Variants in CDH23 observed in about 807,000 individuals in gnomAD.
CDH23 encodes cadherin-23.
A neutral mutation model predicts 317.1 loss-of-function variants in CDH23; 189 were observed. The observed-to-expected ratio is 0.60, with a 90% CI of 0.53 to 0.67. The LOEUF (loss-of-function observed/expected upper bound fraction) is 0.67. Ranked by LOEUF, CDH23 falls within the 30% of genes least tolerant of loss-of-function variation. CDH23 has a pLI of 0.00. For synonymous variants in CDH23, 1,839 were observed against 1,876.8 expected (o/e 0.98, Z 0.52); for missense variants, 4,401 against 4,592.4 (o/e 0.96, Z 1.20).
chr10:71,662,302 C>T (rs1412197085), intron 14 of CDH23, among the ~76,000 whole-genome samples: 2 of 152,088 alleles, frequency 1.3e-5, no homozygotes, highest in South Asian at 4.1e-4. Flanking sequence ...CAGTGACAGG[C>T]GTGGGGGGTG....
intron 3 of CDH23, among the ~76,000 whole-genome samples, chr10:71,490,413 G>A (rs945176229): frequency 6.6e-6 from 1 of 152,164 alleles, no homozygotes; most frequent in Non-Finnish European, 1.5e-5. Context: ...CCAGGGTTGT[G>A]TCTGGCACAC....
intron 14 of CDH23, among the ~76,000 whole-genome samples, chr10:71,657,538 AGAT>A (rs1356040631): frequency 3.3e-5 from 5 of 152,214 alleles, no homozygotes; most frequent in African/African-American, 9.7e-5. Flanking sequence ...TAAGCCTGGG[AGAT>A]GATAACAGGG....
chr10:71,484,334 C>T (rs929059688), intron 3 of CDH23, among the ~76,000 whole-genome samples: 1 of 152,258 alleles, frequency 6.6e-6, no homozygotes, highest in Admixed American at 6.5e-5. Context: ...GTACCGTCCT[C>T]TCTCTTCCTC....
intron 3 of CDH23, among the ~76,000 whole-genome samples, chr10:71,496,048 C>G (rs1227271956): frequency 6.6e-6 from 1 of 152,178 alleles, no homozygotes; most frequent in Middle Eastern, 3.2e-3. Context: ...GATGCACACT[C>G]AAGTTTGAGA....
At chr10:71,780,706 T>C (rs941108076) in intron 41 of CDH23, among the ~76,000 whole-genome samples, 1 of 152,036 alleles carries the variant, frequency 6.6e-6, no homozygotes, top group African/African-American at 2.4e-5. Context: ...GGAGAGACAT[T>C]ATTTGACTTA....
chr10:71,522,393 C>A (rs990020996), intron 6 of CDH23, among the ~76,000 whole-genome samples: 1 of 152,096 alleles, frequency 6.6e-6, no homozygotes, highest in African/African-American at 2.4e-5. Context: ...TTATTATATC[C>A]ATTCCAGTGG....
intron 9 of CDH23, among the ~76,000 whole-genome samples, chr10:71,613,550 A>C (rs1861025352): frequency 6.6e-6 from 1 of 152,240 alleles, no homozygotes; most frequent in African/African-American, 2.4e-5. Flanking sequence ...AGTGGCCACT[A>C]GCCACTAACT....
intron 3 of CDH23, among the ~76,000 whole-genome samples, chr10:71,468,113 T>C (rs1476188704): frequency 6.6e-6 from 1 of 152,206 alleles, no homozygotes; most frequent in Non-Finnish European, 1.5e-5. Flanking sequence ...ACCTGTGACC[T>C]GGCCCCCTGT....
chr10:71,546,520 G>T (rs1856291552), intron 6 of CDH23, among the ~76,000 whole-genome samples: 2 of 152,216 alleles, frequency 1.3e-5, no homozygotes, highest in Admixed American at 6.5e-5. Context: ...CAGGTTCAGG[G>T]AATTAGGGAG....
At chr10:71,556,214 G>A (rs1482223076) in intron 6 of CDH23, among the ~76,000 whole-genome samples, 1 of 152,160 alleles carries the variant, frequency 6.6e-6, no homozygotes, top group Non-Finnish European at 1.5e-5. Flanking sequence ...ACTTTGCCTT[G>A]GAGCAGATGA....
intron 48 of CDH23, among the ~76,000 whole-genome samples, chr10:71,794,271 G>A (rs895696109): frequency 2.0e-5 from 3 of 152,162 alleles, no homozygotes; most frequent in Non-Finnish European, 4.4e-5. Context: ...CCAAGTGCTG[G>A]GATTACAGGC....
chr10:71,511,313 T>A, intron 6 of CDH23, 101 bp downstream of exon 6: 2 of 1,113,192 alleles, frequency 1.8e-6, no homozygotes, highest in South Asian at 2.5e-5. Context: ...CAGCTGTGGC[T>A]CTTCTGCCCA....
chr10:71,645,724 C>A, intron 12 of CDH23, 107 bp from the exon 13 acceptor site: 6 of 1,336,784 alleles, frequency 4.5e-6, no homozygotes, highest in South Asian at 2.4e-5. Context: ...TTGCCCCAAC[C>A]AAAGCAGCTC....
At chr10:71,550,438 G>A (rs1856513960) in intron 6 of CDH23, among the ~76,000 whole-genome samples, 1 of 151,712 alleles carries the variant, frequency 6.6e-6, no homozygotes, top group Non-Finnish European at 1.5e-5. Flanking sequence ...TGCACCTGCA[G>A]TCCCAGCTAC....
At chr10:71,425,073 AG>A (rs1848993958) in intron 1 of CDH23, among the ~76,000 whole-genome samples, 1 of 151,972 alleles carries the variant, frequency 6.6e-6, no homozygotes, top group Non-Finnish European at 1.5e-5. Context: ...GCTTGGGGTG[AG>A]AACTCCTATT....
chr10:71,538,047 T>C (rs966327734), intron 6 of CDH23, among the ~76,000 whole-genome samples: 1 of 152,108 alleles, frequency 6.6e-6, no homozygotes, highest in Non-Finnish European at 1.5e-5. Context: ...GAGTCCATTT[T>C]ACAGATGGGA....
intron 25 of CDH23, among the ~76,000 whole-genome samples, chr10:71,705,621 C>A (rs547362653): frequency 6.6e-6 from 1 of 152,220 alleles, no homozygotes; most frequent in African/African-American, 2.4e-5. Context: ...TCCCAGACTC[C>A]CTAAGATCCT....
At chr10:71,541,822 A>G (rs1199280359) in intron 6 of CDH23, among the ~76,000 whole-genome samples, 2 of 152,274 alleles carry the variant, frequency 1.3e-5, no homozygotes, top group Non-Finnish European at 2.9e-5. Flanking sequence ...ACTGAGGACA[A>G]CGTGTTCCAA....
rs1174039309 is a variant in CDH23 at position 71,792,839 on chromosome 10, AAAAAAAAAAAAAAATATATAT to A, written c.6254-341_6254-321del. Reference sequence around the variant, plus strand: ...TCCATCTAAAAAAAAAAAAAAAAAAAAAAAAAAAAAAAAATATATATATATATATATATATATGTCTCAAGT... The same window carrying A: ...TCCATCTAAAAAAAAAAAAAAAAAAAATATATATATATATATGTCTCAAGT... On this transcript the variant is annotated intron_variant, in intron 47 of 69. Coordinates refer to ENST00000224721, the MANE Select transcript of CDH23 (RefSeq NM_022124.6). Among the ~76,000 whole-genome samples the A allele has an allele frequency of 7.8e-4, 59 of 75,350 alleles. 1 individual carries two copies. In the East Asian group the frequency reaches 8.9e-3, roughly 11 times the overall value. 49.4% of individuals were successfully genotyped at this position (75,350 alleles called of 152,430 possible).
Sources: gnomAD v4.1 joint callset for allele counts (sites outside exome capture counted in the v4.1 genomes callset) on GRCh38, gnomAD v4.1.1 for gene constraint, MANE v1.5 for transcripts, NCBI Gene and HGNC (gene_info 2026-07-23, HGNC 2026-07-21) for gene names.